The following MAP3K2 variants were observed in gnomAD, a reference collection of about 807,000 sequenced individuals.
The protein encoded by MAP3K2 is MAP/ERK kinase kinase 2.
MAP3K2 carries 24 observed loss-of-function variants against 80.3 expected under a neutral mutation model. The ratio of observed to expected loss-of-function variants is 0.30; its 90% CI spans 0.22 to 0.42. MAP3K2 has a LOEUF of 0.42. Among genes scored for constraint, MAP3K2 ranks in the 10% least tolerant of loss-of-function variants. MAP3K2 has a pLI of 1.00. For missense variants in MAP3K2, 608 were observed against 750.1 expected (o/e 0.81, Z 2.21); for synonymous variants, 244 against 253.7 (o/e 0.96, Z 0.36).
chr2:127,338,841 TG>T, intron 3 of MAP3K2, 90 bp downstream of exon 3: 1 of 834,520 alleles, frequency 1.2e-6, no homozygotes, highest in Non-Finnish European at 1.9e-6. Context: ...GATTCGAAAG[TG>T]TAAAAGCTGA....
chr2:127,326,468 A>G (rs1489573216), intron 8 of MAP3K2, among the ~76,000 whole-genome samples: 2 of 152,136 alleles, frequency 1.3e-5, no homozygotes, highest in East Asian at 3.8e-4. Context: ...TCATTCATTC[A>G]CTTATTGAGC....
intron 1 of MAP3K2, among the ~76,000 whole-genome samples, chr2:127,375,364 C>G (rs1687132545): frequency 6.6e-6 from 1 of 152,016 alleles, no homozygotes; most frequent in Non-Finnish European, 1.5e-5. Flanking sequence ...AGACACCATT[C>G]ACTCCAGATA....
chr2:127,387,392 A>ACGCACGCGCG (rs1553519997), intron 1 of MAP3K2, 60 bp downstream of exon 1: 1 of 332,332 alleles, frequency 3.0e-6, no homozygotes, highest in Non-Finnish European at 4.2e-6. Context: ...CCCGACACAC[A>ACGCACGCGCG]CGCGCGCACA....
rs1344524995 is a variant in MAP3K2, at chr2:127,364,854, G to A, written c.-65-21660C>T. 1.3e-5 allele frequency among the ~76,000 whole-genome samples: 2 copies of A among 151,880 alleles called. No individual in the cohort carries two copies. Among genetic ancestry groups the A allele is most frequent in the Non-Finnish European group, 2.9e-5 (2 of 67,976 alleles). ...TAATAAAAGCTACTATTGACCAGGC[G>A]CAGTGGCTCACGCCTGTAATCCTAG... is the stretch of plus-strand genomic sequence containing the variant. On this transcript the variant is annotated intron_variant, in intron 1 of 16. Transcript: ENST00000682094. The surrounding 1 kb of genome is among the most constrained non-coding windows in gnomAD (Gnocchi z 4.1).
upstream of MAP3K2, chr2:127,388,366 G>C (rs1687424538): frequency 1.0e-6 from 1 of 985,362 alleles, no homozygotes; most frequent in Non-Finnish European, 1.2e-6. Context: ...AGCAGAGGCA[G>C]TGACGGACTG....
At chr2:127,341,493 C>T (rs1203977625) in intron 2 of MAP3K2, among the ~76,000 whole-genome samples, 1 of 147,570 alleles carries the variant, frequency 6.8e-6, no homozygotes, top group East Asian at 2.0e-4. Flanking sequence ...AGTACACTTA[C>T]GTACTTATGG....
intron 1 of MAP3K2, among the ~76,000 whole-genome samples, chr2:127,367,126 G>T (rs141837949): frequency 6.6e-6 from 1 of 152,180 alleles, no homozygotes; most frequent in East Asian, 1.9e-4. Context: ...GATTATATAT[G>T]AAGAGACATA....
At chr2:127,319,345 C>T (rs1210352775) in intron 12 of MAP3K2, among the ~76,000 whole-genome samples, 2 of 151,900 alleles carry the variant, frequency 1.3e-5, no homozygotes, top group East Asian at 3.9e-4. Flanking sequence ...GCAAGCCCAT[C>T]TCTGAGAACT....
intron 5 of MAP3K2, among the ~76,000 whole-genome samples, chr2:127,333,316 AG>A (rs1172810995): frequency 2.0e-5 from 3 of 151,758 alleles, no homozygotes; most frequent in Admixed American, 6.6e-5. Context: ...CCCTTATTAA[AG>A]AGAAGCCAAA....
At chr2:127,329,898 T>C (rs752900152) in intron 7 of MAP3K2, 23 bp downstream of exon 7, 14 of 1,314,256 alleles carry the variant, frequency 1.1e-5, no homozygotes, top group Middle Eastern at 3.6e-4. Context: ...ATTCATTTCA[T>C]AATTCAGACA....
intron 1 of MAP3K2, among the ~76,000 whole-genome samples, chr2:127,358,301 T>C (rs1686828232): frequency 6.6e-6 from 1 of 152,214 alleles, no homozygotes; most frequent in African/African-American, 2.4e-5. Flanking sequence ...AAGGATACCG[T>C]GCAACTAAAA....
chr2:127,306,744 T>A lies in MAP3K2; in HGVS notation c.*835A>T, dbSNP rs575158758. ...ATTTTTTTTCATTATTTCTATTGAC[T>A]GTAAATGTGGTCTCTTCTACTGCTC... On this transcript the variant is annotated 3_prime_UTR_variant, in exon 17 of 17. Coordinates refer to ENST00000682094, the MANE Select transcript of MAP3K2 (RefSeq NM_001371910.2). The surrounding 1 kb of genome is among the most constrained non-coding windows in gnomAD (Gnocchi z 4.7). The A allele has an allele frequency of 1.3e-5, 2 of 152,452 alleles. No homozygotes were observed. The highest frequency in any genetic ancestry group is 4.8e-5 in the African/African-American group (2 of 41,582). The allele number at this position is 152,452 out of a possible 1,614,324, so 9.4% of individuals were successfully genotyped here.
Position 127,336,168 on chromosome 2 carries a change from T to C in MAP3K2, c.165-199A>G, listed in dbSNP as rs546895766. ...AGTTCAAAAACTCTGAAGTCTGTTTTATCCTAATACAAATTTTAAAAAGGA... is the reference window on the plus strand; with the variant it reads ...AGTTCAAAAACTCTGAAGTCTGTTTCATCCTAATACAAATTTTAAAAAGGA... On this transcript the variant is annotated intron_variant, in intron 4 of 16. Coordinates refer to ENST00000682094, the MANE Select transcript of MAP3K2 (RefSeq NM_001371910.2). Among the ~76,000 whole-genome samples the C allele has an allele frequency of 3.3e-5, 5 of 152,366 alleles. No individual in the cohort carries two copies. In the South Asian group the frequency reaches 1.0e-3, roughly 32 times the overall value.
At chr2:127,355,712 AAAAC>A (rs1166492402) in intron 1 of MAP3K2, among the ~76,000 whole-genome samples, 8 of 152,130 alleles carry the variant, frequency 5.3e-5, no homozygotes, top group Non-Finnish European at 1.0e-4. Context: ...TATTTAGTTT[AAAAC>A]AAACAATAAG....
At chr2:127,312,477 A>G (rs1443492639) in intron 15 of MAP3K2, among the ~76,000 whole-genome samples, 1 of 152,176 alleles carries the variant, frequency 6.6e-6, no homozygotes, top group Non-Finnish European at 1.5e-5. Context: ...GCTTGGCAAC[A>G]TAGCAATACC....
At chr2:127,315,118 T>G (rs545012638) in intron 14 of MAP3K2, among the ~76,000 whole-genome samples, 1 of 152,338 alleles carries the variant, frequency 6.6e-6, no homozygotes, top group South Asian at 2.1e-4. Flanking sequence ...GATTTTAAAG[T>G]TTTTTTCTTT....
At chr2:127,373,651 T>C (rs1476456094) in intron 1 of MAP3K2, among the ~76,000 whole-genome samples, 1 of 152,198 alleles carries the variant, frequency 6.6e-6, no homozygotes. Context: ...GTTCAGCTGT[T>C]TGTTTTTCCC....
intron 12 of MAP3K2, among the ~76,000 whole-genome samples, chr2:127,320,371 T>C (rs1226614447): frequency 6.6e-6 from 1 of 151,864 alleles, no homozygotes; most frequent in South Asian, 2.1e-4. Flanking sequence ...GGATCATAAA[T>C]AGATGCAACA....
chr2:127,360,823 T>C (rs1014781624), intron 1 of MAP3K2, among the ~76,000 whole-genome samples: 1 of 152,196 alleles, frequency 6.6e-6, no homozygotes, highest in African/African-American at 2.4e-5. Context: ...ATTGGTTACA[T>C]ATATCCTAAT....
Sources: gnomAD v4.1 joint callset for allele counts (sites outside exome capture counted in the v4.1 genomes callset) on GRCh38, gnomAD v4.1.1 for gene constraint, Gnocchi (gnomAD v3.1) non-coding constraint, MANE v1.5 for transcripts, NCBI Gene and HGNC (gene_info 2026-07-23, HGNC 2026-07-21) for gene names.